Variants in PDGFD observed in about 807,000 individuals in gnomAD.
PDGFD encodes the protein platelet-derived growth factor D.
A neutral mutation model predicts 44.7 loss-of-function variants in PDGFD; 30 were observed. That is an observed-to-expected ratio of 0.67 (90% CI 0.50 to 0.91). The LOEUF is 0.91. Ranked by LOEUF, PDGFD falls within the 40% of genes least tolerant of loss-of-function variation. The probability of loss-of-function intolerance (pLI) is 0.00; values close to 1 mark genes in which losing one functional copy is unlikely to be tolerated. For synonymous variants in PDGFD, 173 were observed against 168.4 expected (o/e 1.03, Z -0.21); for missense variants, 445 against 457.8 (o/e 0.97, Z 0.25).
In PDGFD at chr11:103,931,696, C is replaced by T. The variant is rs193267542; in HGVS notation, c.773-4570G>A. The stretch of plus-strand genomic sequence containing the variant: ...CCGCCTCCCAGGTTTAAGCAATTCT[C>T]CCGCCTCAGCCTTCTGAGTAGCTGG... On this transcript the variant is annotated intron_variant, in intron 5 of 6. Transcript: ENST00000393158. 3.2e-3 allele frequency among the ~76,000 whole-genome samples: 487 copies of T among 152,262 alleles called. 14 individuals carry two copies. Among genetic ancestry groups the T allele is most frequent in the Admixed American group, 0.027 (416 of 15,288 alleles).
intron 1 of PDGFD, among the ~76,000 whole-genome samples, chr11:104,093,850 C>T (rs1329508973): frequency 6.7e-6 from 1 of 149,912 alleles, no homozygotes; most frequent in African/African-American, 2.5e-5. Flanking sequence ...AATTTCTGTT[C>T]ATCCTCTCTC....
intron 6 of PDGFD, among the ~76,000 whole-genome samples, chr11:103,914,389 A>G (rs1858080770): frequency 6.6e-6 from 1 of 152,184 alleles, no homozygotes; most frequent in African/African-American, 2.4e-5. Flanking sequence ...CCCTCTCAAG[A>G]CTAAACCAGG....
chr11:104,094,143 A>G (rs1252321753), intron 1 of PDGFD, among the ~76,000 whole-genome samples: 2 of 151,998 alleles, frequency 1.3e-5, no homozygotes, highest in Non-Finnish European at 2.9e-5. Flanking sequence ...CCCTCTCAGC[A>G]GTGCTTGGCA....
intron 1 of PDGFD, among the ~76,000 whole-genome samples, chr11:104,127,921 C>T (rs529707789): frequency 6.6e-6 from 1 of 152,146 alleles, no homozygotes; most frequent in South Asian, 2.1e-4. Context: ...TGTTCTAATA[C>T]ATTTCATCTC....
At chr11:104,140,622 C>T (rs999558593) in intron 1 of PDGFD, among the ~76,000 whole-genome samples, 9 of 152,062 alleles carry the variant, frequency 5.9e-5, no homozygotes, top group African/African-American at 1.2e-4. Context: ...GGGAACCTCA[C>T]CCTTCAATGT....
chr11:104,077,934 A>G (rs979619228), intron 1 of PDGFD, among the ~76,000 whole-genome samples: 1 of 152,150 alleles, frequency 6.6e-6, no homozygotes, highest in Non-Finnish European at 1.5e-5. Flanking sequence ...TCAGCAGGTG[A>G]GCTAGGGCGT....
chr11:103,949,255 G>A (rs1048896635), intron 3 of PDGFD, among the ~76,000 whole-genome samples: 5 of 151,920 alleles, frequency 3.3e-5, no homozygotes, highest in South Asian at 2.1e-4. Context: ...TACCCACCTC[G>A]GCCCCCCAAA....
intron 1 of PDGFD, among the ~76,000 whole-genome samples, chr11:104,077,735 A>G (rs1006084427): frequency 6.6e-6 from 1 of 151,236 alleles, no homozygotes; most frequent in African/African-American, 2.4e-5. Flanking sequence ...GAAAAAAAAA[A>G]CTATCTTGTA....
At chr11:103,972,554 GA>G (rs1168139935) in intron 3 of PDGFD, among the ~76,000 whole-genome samples, 2 of 152,178 alleles carry the variant, frequency 1.3e-5, no homozygotes, top group African/African-American at 4.8e-5. Flanking sequence ...TGACATTACA[GA>G]GTAAGATTTT....
chr11:104,139,681 T>G (rs1376462275), intron 1 of PDGFD, among the ~76,000 whole-genome samples: 5 of 152,130 alleles, frequency 3.3e-5, no homozygotes, highest in Non-Finnish European at 7.4e-5. Flanking sequence ...TAAAGAAAAC[T>G]CTTCCCTAGA....
At chr11:104,074,317 C>T (rs1166417266) in intron 1 of PDGFD, among the ~76,000 whole-genome samples, 1 of 152,186 alleles carries the variant, frequency 6.6e-6, no homozygotes, top group Non-Finnish European at 1.5e-5. Context: ...AGCCTTTACA[C>T]TATACACTTT....
intron 1 of PDGFD, among the ~76,000 whole-genome samples, chr11:104,080,094 T>G (rs1409414526): frequency 1.3e-5 from 2 of 152,094 alleles, no homozygotes; most frequent in Non-Finnish European, 2.9e-5. Context: ...CTAAATGAAG[T>G]GAAAAGAGGA....
In PDGFD at chr11:104,101,092, T is replaced by C. The variant is rs528316686; in HGVS notation, c.124+62712A>G. On this transcript the variant is annotated intron_variant, in intron 1 of 6. Coordinates refer to ENST00000393158, the MANE Select transcript of PDGFD (RefSeq NM_025208.5). Reference sequence around the variant, plus strand: ...CTCCTATTCAACATAGTGTTGGAAGTTCTGGCCAGGGCAATCCGGCAGGAG... The same window carrying C: ...CTCCTATTCAACATAGTGTTGGAAGCTCTGGCCAGGGCAATCCGGCAGGAG... Among the ~76,000 whole-genome samples, 5 of 152,172 alleles carry C rather than the reference T, an allele frequency of 3.3e-5. No homozygotes were observed. The South Asian group carries it at 8.3e-4, about 25-fold the overall frequency.
chr11:104,058,869 G>T (rs181098247), intron 1 of PDGFD, among the ~76,000 whole-genome samples: 1 of 152,304 alleles, frequency 6.6e-6, no homozygotes, highest in East Asian at 1.9e-4. Flanking sequence ...CTAAGTGAAA[G>T]AAGCGAGACA....
intron 1 of PDGFD, among the ~76,000 whole-genome samples, chr11:104,067,984 A>T (rs917187266): frequency 2.6e-5 from 4 of 152,166 alleles, no homozygotes; most frequent in Admixed American, 6.5e-5. Context: ...TGCAGCGAAA[A>T]TTTCAGTTAA....
chr11:104,089,537 A>T (rs886997277), intron 1 of PDGFD, among the ~76,000 whole-genome samples: 3 of 152,212 alleles, frequency 2.0e-5, no homozygotes, highest in Non-Finnish European at 4.4e-5. Flanking sequence ...AAATAATAGC[A>T]TATAGTACTT....
At chr11:104,069,636 G>A (rs767456925) in intron 1 of PDGFD, among the ~76,000 whole-genome samples, 2 of 152,134 alleles carry the variant, frequency 1.3e-5, no homozygotes, top group African/African-American at 2.4e-5. Context: ...CGAGGCCAGC[G>A]GATCACGAGG....
chr11:104,068,584 T>C (rs1860826931), intron 1 of PDGFD, among the ~76,000 whole-genome samples: 1 of 152,218 alleles, frequency 6.6e-6, no homozygotes, highest in Non-Finnish European at 1.5e-5. Context: ...ACAGCAATTA[T>C]ATAGTTTCTT....
intron 3 of PDGFD, among the ~76,000 whole-genome samples, chr11:103,981,917 T>C (rs1276438137): frequency 6.6e-6 from 1 of 151,866 alleles, no homozygotes. Flanking sequence ...AGTTACACAG[T>C]CTCATGTAAG....
Sources: allele counts gnomAD v4.1 joint callset (sites outside exome capture counted in the v4.1 genomes callset), GRCh38; gene constraint gnomAD v4.1.1; transcripts MANE v1.5; gene names NCBI Gene and HGNC (gene_info 2026-07-23, HGNC 2026-07-21).